MATN2: variants seen among roughly 807,000 people sequenced by gnomAD.
The protein encoded by MATN2 is matrilin 2.
A neutral mutation model predicts 103.2 loss-of-function variants in MATN2; 69 were observed. The ratio of observed to expected loss-of-function variants is 0.67; its 90% CI spans 0.55 to 0.82. The LOEUF (loss-of-function observed/expected upper bound fraction) is 0.82. MATN2 is among the 40% of genes least tolerant of loss of function. The pLI is 0.00. For missense variants in MATN2, 1,023 were observed against 1,211.5 expected (o/e 0.84, Z 2.31); for synonymous variants, 429 against 450.2 (o/e 0.95, Z 0.60).
intron 2 of MATN2, among the ~76,000 whole-genome samples, chr8:97,899,934 G>C (rs1235730817): frequency 1.3e-5 from 2 of 152,204 alleles, no homozygotes; most frequent in African/African-American, 4.8e-5. Context: ...TCAAAGACTT[G>C]AGCAGTGGGT....
intron 4 of MATN2, among the ~76,000 whole-genome samples, chr8:97,947,584 A>T (rs1356046090): frequency 6.6e-6 from 1 of 152,236 alleles, no homozygotes; most frequent in African/African-American, 2.4e-5. Flanking sequence ...ATTGAAAAAT[A>T]TAAAAGATTT....
chr8:97,909,332 T>A (rs958885773), intron 2 of MATN2, among the ~76,000 whole-genome samples: 3 of 152,268 alleles, frequency 2.0e-5, no homozygotes, highest in East Asian at 1.9e-4. Context: ...TTGGCTTTTT[T>A]AAATTCCACA....
At chr8:97,942,512 T>G (rs151162150) in intron 4 of MATN2, among the ~76,000 whole-genome samples, 82 of 152,350 alleles carry the variant, frequency 5.4e-4, no homozygotes, top group African/African-American at 1.9e-3. Context: ...AGTCTACCCC[T>G]TAAAGGACAG....
At chr8:98,012,203 C>A (rs182914128) in intron 10 of MATN2, among the ~76,000 whole-genome samples, 28 of 151,992 alleles carry the variant, frequency 1.8e-4, no homozygotes, top group African/African-American at 6.8e-4. Flanking sequence ...TTACTGTGTA[C>A]CTGCATTGTG....
intron 2 of MATN2, among the ~76,000 whole-genome samples, chr8:97,922,436 G>A (rs1309242142): frequency 6.6e-6 from 1 of 152,162 alleles, no homozygotes. Context: ...AGCCTTTATA[G>A]TCAGACGGTG....
intron 3 of MATN2, among the ~76,000 whole-genome samples, chr8:97,936,599 C>T (rs1366816077): frequency 1.3e-5 from 2 of 152,194 alleles, no homozygotes; most frequent in Non-Finnish European, 2.9e-5. Flanking sequence ...AAGGACTGTT[C>T]TTATTTCCTA....
chr8:97,876,283 A>C (rs577046330), intron 1 of MATN2, among the ~76,000 whole-genome samples: 2 of 140,120 alleles, frequency 1.4e-5, no homozygotes, highest in Non-Finnish European at 3.1e-5. Flanking sequence ...TCCGCCTCCC[A>C]GGTTCAAGTA....
intron 1 of MATN2, among the ~76,000 whole-genome samples, chr8:97,873,626 G>C (rs1289641142): frequency 6.6e-6 from 1 of 151,982 alleles, no homozygotes; most frequent in Non-Finnish European, 1.5e-5. Context: ...CACCATGCTT[G>C]GCTGTTTTCA....
At chr8:97,933,849 A>AG (rs1174604736) in intron 3 of MATN2, among the ~76,000 whole-genome samples, 1 of 152,276 alleles carries the variant, frequency 6.6e-6, no homozygotes, top group South Asian at 2.1e-4. Context: ...AAGAGGCCCC[A>AG]GGGCCTCTTT....
intron 6 of MATN2, among the ~76,000 whole-genome samples, chr8:97,985,674 T>C (rs1433368810): frequency 6.6e-6 from 1 of 152,198 alleles, no homozygotes; most frequent in Non-Finnish European, 1.5e-5. Context: ...CCTATAGAAG[T>C]GAAATTCTAT....
At chr8:97,949,069 A>G (rs777035471) in intron 4 of MATN2, among the ~76,000 whole-genome samples, 3 of 152,216 alleles carry the variant, frequency 2.0e-5, no homozygotes, top group Admixed American at 6.5e-5. Context: ...AAATATTTGA[A>G]CAGACACTAA....
intron 6 of MATN2, among the ~76,000 whole-genome samples, chr8:97,984,031 G>C (rs1418269243): frequency 6.6e-6 from 1 of 152,180 alleles, no homozygotes; most frequent in Non-Finnish European, 1.5e-5. Context: ...TTAACATACT[G>C]AGTGCCACTA....
At chr8:97,964,322 A>G (rs1811413138) in intron 5 of MATN2, among the ~76,000 whole-genome samples, 1 of 152,200 alleles carries the variant, frequency 6.6e-6, no homozygotes, top group Admixed American at 6.5e-5. Context: ...AGAACTCTGG[A>G]CATACTCCAT....
chr8:97,939,621 G>A (rs62521939), intron 3 of MATN2, among the ~76,000 whole-genome samples: 34,440 of 152,112 alleles, frequency 0.23, 4,455 homozygotes, highest in Middle Eastern at 0.3. Flanking sequence ...CTGTACTCCA[G>A]CCTAGGTGAC....
intron 16 of MATN2, among the ~76,000 whole-genome samples, 195 bp from the exon 17 acceptor site, chr8:98,032,847 T>TG (rs996017116): frequency 4.6e-5 from 7 of 151,736 alleles, no homozygotes; most frequent in African/African-American, 9.7e-5. Context: ...TGTTTTGTTT[T>TG]TTGTTGTTGT....
chr8:97,983,533 G>A (rs1479723292), intron 6 of MATN2, among the ~76,000 whole-genome samples: 2 of 152,198 alleles, frequency 1.3e-5, no homozygotes, highest in Non-Finnish European at 2.9e-5. Context: ...CAGTCTGCTG[G>A]ACAGGGATTC....
intron 2 of MATN2, among the ~76,000 whole-genome samples, chr8:97,916,714 T>C (rs1809643366): frequency 1.3e-5 from 2 of 152,220 alleles, no homozygotes; most frequent in African/African-American, 4.8e-5. Context: ...GGGGTATTTT[T>C]TGGTGAGACT....
At chr8:98,033,212 G>A in intron 17 of MATN2, 36 bp downstream of exon 17, 1 of 1,550,428 alleles carries the variant, frequency 6.4e-7, no homozygotes, top group Non-Finnish European at 8.7e-7. Flanking sequence ...AAGATAACTT[G>A]ATCTCAGCCT....
At chr8:97,870,724 G>A (rs1161175822) in intron 1 of MATN2, among the ~76,000 whole-genome samples, 1 of 152,172 alleles carries the variant, frequency 6.6e-6, no homozygotes, top group Non-Finnish European at 1.5e-5. Flanking sequence ...GCAACTGGTA[G>A]TTCCATGCAG....
Sources: allele counts gnomAD v4.1 joint callset (sites outside exome capture counted in the v4.1 genomes callset), GRCh38; gene constraint gnomAD v4.1.1; transcripts MANE v1.5; gene names NCBI Gene and HGNC (gene_info 2026-07-23, HGNC 2026-07-21).